The following GRM7 variants were observed in gnomAD, a reference collection of about 807,000 sequenced individuals.
The protein encoded by GRM7 is glutamate metabotropic receptor 7.
Under a neutral mutation model 84.5 loss-of-function variants are expected in GRM7, and 35 were observed. The ratio of observed to expected loss-of-function variants is 0.41; its 90% CI spans 0.32 to 0.55. The LOEUF is 0.55. Among genes scored for constraint, GRM7 ranks in the 20% least tolerant of loss-of-function variants. The pLI is 0.19. For synonymous variants in GRM7, 487 were observed against 455.1 expected (o/e 1.07, Z -0.89); for missense variants, 1,003 against 1,194.6 (o/e 0.84, Z 2.36).
At chr3:7,226,086 T>C (rs1696972257) in intron 2 of GRM7, among the ~76,000 whole-genome samples, 1 of 152,230 alleles carries the variant, frequency 6.6e-6, no homozygotes, top group African/African-American at 2.4e-5. Context: ...ATATGCCTAC[T>C]CTCTGATAGG....
intron 1 of GRM7, among the ~76,000 whole-genome samples, chr3:6,883,496 T>C (rs1695586058): frequency 6.6e-6 from 1 of 152,204 alleles, no homozygotes; most frequent in South Asian, 2.1e-4. Flanking sequence ...ATATTATGTT[T>C]GGAAATGATT....
At chr3:7,401,533 TG>T (rs1695452657) in intron 4 of GRM7, among the ~76,000 whole-genome samples, 1 of 152,136 alleles carries the variant, frequency 6.6e-6, no homozygotes, top group Admixed American at 6.6e-5. Flanking sequence ...TTTCTGTGTC[TG>T]AACCAATCTG....
intron 1 of GRM7, among the ~76,000 whole-genome samples, chr3:6,912,113 TTAAG>T (rs903432738): frequency 7.9e-5 from 12 of 152,158 alleles, no homozygotes; most frequent in Non-Finnish European, 1.6e-4. Context: ...CTTAAGGTTA[TTAAG>T]TATTTTGAAT....
chr3:7,695,568 A>G (rs1700986967), intron 9 of GRM7, among the ~76,000 whole-genome samples: 1 of 152,198 alleles, frequency 6.6e-6, no homozygotes, highest in African/African-American at 2.4e-5. Context: ...TAAATCAGCC[A>G]TGATCTTGTG....
At chr3:7,237,140 T>G (rs1357996479) in intron 2 of GRM7, among the ~76,000 whole-genome samples, 1 of 152,170 alleles carries the variant, frequency 6.6e-6, no homozygotes, top group Non-Finnish European at 1.5e-5. Context: ...AAGAGGTGCC[T>G]GCCAGCAAGT....
chr3:7,131,120 C>A (rs1396968663), intron 1 of GRM7, among the ~76,000 whole-genome samples: 2 of 151,752 alleles, frequency 1.3e-5, no homozygotes, highest in African/African-American at 4.8e-5. Context: ...GAAGGACTGA[C>A]AAAAAAAATA....
At chr3:7,672,846 C>T (rs149040825) in intron 8 of GRM7, among the ~76,000 whole-genome samples, 16,972 of 152,046 alleles carry the variant, frequency 0.11, 1,640 homozygotes, top group African/African-American at 0.26. Context: ...CCGCCTGCCT[C>T]GGCCTCCCAA....
At chr3:7,131,194 T>C (rs1228256453) in intron 1 of GRM7, among the ~76,000 whole-genome samples, 1 of 152,206 alleles carries the variant, frequency 6.6e-6, no homozygotes, top group Non-Finnish European at 1.5e-5. Flanking sequence ...GTGATTCTTA[T>C]TACCAAAGTG....
At chr3:7,106,527 T>A (rs906844004) in intron 1 of GRM7, among the ~76,000 whole-genome samples, 1 of 152,102 alleles carries the variant, frequency 6.6e-6, no homozygotes, top group Non-Finnish European at 1.5e-5. Context: ...ATGAATGGGA[T>A]GCCTATGCAC....
intron 1 of GRM7, among the ~76,000 whole-genome samples, chr3:6,902,700 A>C (rs952974318): frequency 2.0e-5 from 3 of 152,168 alleles, no homozygotes; most frequent in Non-Finnish European, 4.4e-5. Context: ...AGATCTGCAG[A>C]CTATTAAGAT....
chr3:7,195,025 G>A lies in GRM7; in HGVS notation c.736+48357G>A, dbSNP rs80083673. ...CCCAGAGGCCAGAACAAGGCTTGAT[G>A]TTTATTAAGTTATTGTTAAATAAGT... On this transcript the variant is annotated intron_variant, in intron 2 of 9. Coordinates refer to ENST00000357716, the MANE Select transcript of GRM7 (RefSeq NM_000844.4). Among the ~76,000 whole-genome samples the A allele has an allele frequency of 1.2e-3, 177 of 152,204 alleles. No homozygotes were observed. In the East Asian group the frequency reaches 0.028, roughly 24 times the overall value.
In GRM7 at chr3:7,488,152, C is replaced by T. The variant is rs552465840; in HGVS notation, c.1515+26430C>T. 1.3e-4 allele frequency among the ~76,000 whole-genome samples: 20 copies of T among 152,236 alleles called. No individual in the cohort carries two copies. In the South Asian group the frequency reaches 1.9e-3, roughly 14 times the overall value. Reference sequence around the variant, plus strand: ...TGAAATGGGAATATTTACCCTATGCCTGTTTCATGATCATATTTTGGAATT... The same window carrying T: ...TGAAATGGGAATATTTACCCTATGCTTGTTTCATGATCATATTTTGGAATT... On this transcript the variant is annotated intron_variant, in intron 7 of 9. Transcript: ENST00000357716.
At chr3:7,052,720 G>GTTTTTTTTTTTTTTTT (rs372132445) in intron 1 of GRM7, among the ~76,000 whole-genome samples, 11 of 101,530 alleles carry the variant, frequency 1.1e-4, no homozygotes, top group South Asian at 3.3e-4. Flanking sequence ...AGTATCGGTA[G>GTTTTTTTTTTTTTTTT]TTTTTTTTTT....
chr3:7,291,210 C>T (rs1699608731), intron 2 of GRM7, among the ~76,000 whole-genome samples: 1 of 151,852 alleles, frequency 6.6e-6, no homozygotes, highest in South Asian at 2.1e-4. Context: ...AGGCAAAGAT[C>T]ATTTAGGACA....
intron 4 of GRM7, among the ~76,000 whole-genome samples, chr3:7,353,413 G>A (rs1693247268): frequency 6.6e-6 from 1 of 151,990 alleles, no homozygotes; most frequent in Non-Finnish European, 1.5e-5. Context: ...CAGAGATTCT[G>A]GATCAGTGTT....
At chr3:7,719,355 T>G (rs1226358534) in intron 9 of GRM7, among the ~76,000 whole-genome samples, 4 of 152,184 alleles carry the variant, frequency 2.6e-5, no homozygotes, top group Non-Finnish European at 5.9e-5. Flanking sequence ...CCCCTGCGTT[T>G]TCTTTGCAAA....
chr3:7,039,646 A>G (rs1272656415), intron 1 of GRM7, among the ~76,000 whole-genome samples: 1 of 152,166 alleles, frequency 6.6e-6, no homozygotes, highest in Admixed American at 6.5e-5. Context: ...GGGAGTGTCA[A>G]TCAATACAAA....
At chr3:7,070,051 CATCCTCATCCTTTGACAAATGTTTAT>C (rs1398442745) in intron 1 of GRM7, among the ~76,000 whole-genome samples, 1 of 152,112 alleles carries the variant, frequency 6.6e-6, no homozygotes, top group Non-Finnish European at 1.5e-5. Context: ...GAAGAGAATT[CATCCTCATCCTTTGACAAATGTTTAT>C]ATCCTCTAAG....
At chr3:7,292,034 C>T (rs1395105737) in intron 2 of GRM7, among the ~76,000 whole-genome samples, 1 of 152,198 alleles carries the variant, frequency 6.6e-6, no homozygotes, top group African/African-American at 2.4e-5. Context: ...TTTCTGCCTT[C>T]TGCCATGATC....
Sources: gnomAD v4.1 joint callset for allele counts (sites outside exome capture counted in the v4.1 genomes callset) on GRCh38, gnomAD v4.1.1 for gene constraint, MANE v1.5 for transcripts, NCBI Gene and HGNC (gene_info 2026-07-23, HGNC 2026-07-21) for gene names.